Variants in ANKRD42 observed in about 807,000 individuals in gnomAD.
The protein encoded by ANKRD42 is ankyrin repeat domain-containing protein 42.
Under a neutral mutation model 51.5 loss-of-function variants are expected in ANKRD42, and 43 were observed. The observed-to-expected ratio is 0.83, with a 90% CI of 0.65 to 1.08. The LOEUF (loss-of-function observed/expected upper bound fraction) is 1.08. Ranked by LOEUF, ANKRD42 falls within the 50% of genes least tolerant of loss-of-function variation. The probability of loss-of-function intolerance (pLI) is 0.00; values close to 1 mark genes in which losing one functional copy is unlikely to be tolerated. For synonymous variants in ANKRD42, 203 were observed against 213.0 expected, an observed-to-expected ratio of 0.95 and a Z score of 0.41; for missense variants, 608 against 629.3, an observed-to-expected ratio of 0.97 and a Z score of 0.36.
chr11:83,204,325 C>T (rs1861986546), intron 2 of ANKRD42, among the ~76,000 whole-genome samples: 2 of 152,172 alleles, frequency 1.3e-5, no homozygotes, highest in South Asian at 4.1e-4. Context: ...GGCACAATTA[C>T]ACATATTCAT....
intron 5 of ANKRD42, among the ~76,000 whole-genome samples, chr11:83,215,634 G>A (rs987168110): frequency 6.6e-6 from 1 of 152,086 alleles, no homozygotes; most frequent in African/African-American, 2.4e-5. Flanking sequence ...GTTACCATGA[G>A]TCTTACATTT....
At chr11:83,212,448 A>G (rs1028707548) in intron 5 of ANKRD42, among the ~76,000 whole-genome samples, 3 of 152,176 alleles carry the variant, frequency 2.0e-5, no homozygotes, top group African/African-American at 7.2e-5. Context: ...TTAATTTGCT[A>G]CTTCAGTTGT....
intron 1 of ANKRD42, among the ~76,000 whole-genome samples, chr11:83,197,508 G>A (rs1358872898): frequency 6.6e-6 from 1 of 152,178 alleles, no homozygotes; most frequent in African/African-American, 2.4e-5. Flanking sequence ...TTAACATTCT[G>A]ATTGTGGAGA....
chr11:83,213,131 A>G, intron 5 of ANKRD42: 2 of 1,602,070 alleles, frequency 1.2e-6, no homozygotes, highest in Non-Finnish European at 1.7e-6. Flanking sequence ...AGGTATTGAC[A>G]ACAGGGTTCG....
intron 1 of ANKRD42, 109 bp downstream of exon 1, chr11:83,194,837 C>G (rs1183372270): frequency 2.7e-6 from 3 of 1,126,260 alleles, no homozygotes; most frequent in Non-Finnish European, 2.5e-6. Context: ...CGTCACTCCC[C>G]CCTTTCCCTT....
At chr11:83,258,711 C>T (rs543153964), downstream of ANKRD42, among the ~76,000 whole-genome samples, 11 of 152,150 alleles carry the variant, frequency 7.2e-5, no homozygotes, top group Admixed American at 4.6e-4. Context: ...ATAATGACTA[C>T]AGCCTTTCCC....
chr11:83,248,409 A>G lies in ANKRD42; in HGVS notation c.*205A>G, dbSNP rs940327179. ...CTATCTTCAAACAGCAGCCTAGTTC[A>G]TAAGTATTATTGTTAACATTGTACC... On this transcript the variant is annotated 3_prime_UTR_variant, in exon 11 of 11. Coordinates refer to ENST00000533342, the MANE Select transcript of ANKRD42 (RefSeq NM_001300975.2). 3 of 1,271,502 alleles carry G rather than the reference A, an allele frequency of 2.4e-6. No individual in the cohort carries two copies. The allele number at this position is 1,271,502 out of a possible 1,614,324, so 78.8% of individuals were successfully genotyped here. A position where few individuals can be genotyped will look rare whatever the true frequency, so the allele number is the denominator to read the frequency against.
chr11:83,201,189 C>T (rs1403033447), intron 2 of ANKRD42, among the ~76,000 whole-genome samples: 1 of 152,120 alleles, frequency 6.6e-6, no homozygotes, highest in East Asian at 1.9e-4. Context: ...GTGATGTTCC[C>T]CTCGCTGTGT....
chr11:83,264,166 A>T (rs1180884642), downstream of ANKRD42, among the ~76,000 whole-genome samples: 1 of 152,180 alleles, frequency 6.6e-6, no homozygotes, highest in Admixed American at 6.5e-5. Flanking sequence ...ATTGTCCTTA[A>T]TAATAAAAAA....
At chr11:83,212,610 A>G (rs1862365941) in intron 5 of ANKRD42, 1 of 1,429,468 alleles carries the variant, frequency 7.0e-7, no homozygotes, top group Non-Finnish European at 9.5e-7. Flanking sequence ...GGGGAAGGGC[A>G]GAATAATATG....
Position 83,194,258 on chromosome 11 carries a change from G to A in ANKRD42, c.-413G>A, listed in dbSNP as rs1022256742. The A allele has an allele frequency of 4.3e-6, 2 of 468,344 alleles. No homozygotes were observed. Among genetic ancestry groups the A allele is most frequent in the African/African-American group, 3.9e-5 (2 of 50,636 alleles). 29.0% of individuals were successfully genotyped at this position (468,344 alleles called of 1,614,324 possible). On this transcript the variant is annotated 5_prime_UTR_variant, in exon 1 of 11. The change creates a new upstream start codon in the 5' untranslated region. Transcript: ENST00000533342. ...CTCAGTGGTCCTTGGGAGGGAGTCAGTGACATTCGGGACCCGCGAACTAGT... is the reference window on the plus strand; with the variant it reads ...CTCAGTGGTCCTTGGGAGGGAGTCAATGACATTCGGGACCCGCGAACTAGT...
At chr11:83,233,928 C>A (rs1863153672) in intron 7 of ANKRD42, among the ~76,000 whole-genome samples, 1 of 152,238 alleles carries the variant, frequency 6.6e-6, no homozygotes, top group South Asian at 2.1e-4. Context: ...GGTGATCCAC[C>A]CGCTTTGGCC....
downstream of ANKRD42, chr11:83,259,808 A>C (rs1863849814): frequency 6.6e-6 from 1 of 152,254 alleles, no homozygotes; most frequent in South Asian, 2.1e-4. Flanking sequence ...AGGACTATAG[A>C]TGTGTGCCAC....
chr11:83,230,049 C>T (rs1349232493), intron 7 of ANKRD42, among the ~76,000 whole-genome samples: 1 of 152,128 alleles, frequency 6.6e-6, no homozygotes, highest in East Asian at 1.9e-4. Context: ...TTATTATTGA[C>T]TATAGTCACC....
chr11:83,219,871 C>G (rs921827866), intron 5 of ANKRD42, among the ~76,000 whole-genome samples: 7 of 152,314 alleles, frequency 4.6e-5, no homozygotes, highest in Admixed American at 3.9e-4. Context: ...AAATGGCCAT[C>G]AAATGGTGAC....
intron 7 of ANKRD42, among the ~76,000 whole-genome samples, chr11:83,235,452 G>A (rs1358065677): frequency 1.3e-5 from 2 of 152,116 alleles, no homozygotes; most frequent in Non-Finnish European, 2.9e-5. Context: ...TTGATGTTTA[G>A]AGAAGTCAGG....
At chr11:83,249,564 A>G (rs181709460), downstream of ANKRD42, among the ~76,000 whole-genome samples, 137 of 152,258 alleles carry the variant, frequency 9.0e-4, no homozygotes, top group African/African-American at 3.2e-3. Flanking sequence ...AGCTATTTAG[A>G]AATTCTCTTT....
rs966713589 is a variant in ANKRD42, at chr11:83,229,014, T to A, written c.913+1142T>A. ...CTGTATGAGTTTACTAGGGCTGATA[T>A]AACAAAATGCTGCAGACTGGATGGC... On this transcript the variant is annotated intron_variant, in intron 7 of 10. Coordinates refer to ENST00000533342, the MANE Select transcript of ANKRD42 (RefSeq NM_001300975.2). Among the ~76,000 whole-genome samples, 9 of 152,070 alleles carry A rather than the reference T, an allele frequency of 5.9e-5. No homozygotes were observed. The South Asian group carries it at 1.0e-3, about 18-fold the overall frequency.
At chr11:83,197,555 G>T (rs1861706914) in intron 1 of ANKRD42, among the ~76,000 whole-genome samples, 1 of 152,210 alleles carries the variant, frequency 6.6e-6, no homozygotes, top group South Asian at 2.1e-4. Flanking sequence ...GTACAAGGTT[G>T]CACAGATCAT....
Sources: allele counts gnomAD v4.1 joint callset (sites outside exome capture counted in the v4.1 genomes callset), GRCh38; gene constraint gnomAD v4.1.1; transcripts MANE v1.5; gene names NCBI Gene and HGNC (gene_info 2026-07-23, HGNC 2026-07-21).